EFCAB13: variants seen among roughly 807,000 people sequenced by gnomAD.
EFCAB13 encodes the protein EF-hand calcium binding domain 13, also known as EF-hand calcium-binding domain-containing protein 13.
A neutral mutation model predicts 110.2 loss-of-function variants in EFCAB13; 91 were observed. The observed-to-expected ratio is 0.83, with a 90% CI of 0.70 to 0.98. The LOEUF (loss-of-function observed/expected upper bound fraction) is 0.98, where lower values mean the gene tolerates loss of function less well. Ranked by LOEUF, EFCAB13 falls within the 50% of genes least tolerant of loss-of-function variation. EFCAB13 has a pLI of 0.00. For synonymous variants in EFCAB13, 323 were observed against 369.9 expected, an observed-to-expected ratio of 0.87 and a Z score of 1.45; for missense variants, 968 against 1,119.4, an observed-to-expected ratio of 0.86 and a Z score of 1.93.
chr17:47,419,324 A>T (rs1156459203), intron 23 of EFCAB13, among the ~76,000 whole-genome samples: 1 of 152,198 alleles, frequency 6.6e-6, no homozygotes, highest in East Asian at 1.9e-4. Context: ...GTGGTGGCTT[A>T]TGTCTATAAG....
intron 23 of EFCAB13, among the ~76,000 whole-genome samples, chr17:47,425,215 G>T (rs1418960798): frequency 6.6e-6 from 1 of 152,088 alleles, no homozygotes; most frequent in Non-Finnish European, 1.5e-5. Context: ...AATCTAACAA[G>T]CCAAGACCTA....
chr17:47,398,129 C>G (rs1205487831), intron 17 of EFCAB13, among the ~76,000 whole-genome samples: 1 of 123,828 alleles, frequency 8.1e-6, no homozygotes, highest in Non-Finnish European at 1.7e-5. Context: ...TCAGCCCCCC[C>G]CTGGCCAGCC....
At chr17:47,379,499 G>A (rs1037588463) in intron 14 of EFCAB13, among the ~76,000 whole-genome samples, 2 of 151,784 alleles carry the variant, frequency 1.3e-5, no homozygotes, top group African/African-American at 4.8e-5. Flanking sequence ...TGGTAATAAT[G>A]ATAATGCGGA....
In EFCAB13 at chr17:47,403,882, A is replaced by G. The variant is rs2065791266; in HGVS notation, c.2022A>G (p.Leu674=). The change falls in exon 19 of 25, where the codon TTA becomes TTG. Residue 674 remains leucine, a synonymous_variant. Transcript: ENST00000331493. The part of the protein sequence containing the change: ...NMRDAARLEE[L]QEVVLAADLL... ...TAACTTTTTTTCTATTTATAGAGTT[A>G]CAGGAAGTTGTCTTAGCTGCTGATT... is the stretch of plus-strand genomic sequence containing the variant. 6.3e-7 allele frequency: 1 copy of G among 1,599,448 alleles called. No individual in the cohort carries two copies. Among genetic ancestry groups the G allele is most frequent in the South Asian group, 1.1e-5 (1 of 87,554 alleles).
chr17:47,412,392 T>C lies in EFCAB13; in HGVS notation c.2279-381T>C, dbSNP rs78058736. ...ACACAAAAGCACAGTATGAACTATCTGAGGCCCTGGGGATCAAGAGCTTCA... is the reference window on the plus strand; with the variant it reads ...ACACAAAAGCACAGTATGAACTATCCGAGGCCCTGGGGATCAAGAGCTTCA... On this transcript the variant is annotated intron_variant, in intron 21 of 24. Transcript: ENST00000331493. Among the ~76,000 whole-genome samples the C allele has an allele frequency of 8.5e-3, 1,302 of 152,352 alleles. 13 individuals are homozygous for C. The highest frequency in any genetic ancestry group is 0.027 in the African/African-American group (1,109 of 41,572).
intron 4 of EFCAB13, among the ~76,000 whole-genome samples, chr17:47,333,260 C>T (rs1264705555): frequency 6.6e-6 from 1 of 152,128 alleles, no homozygotes; most frequent in East Asian, 1.9e-4. Context: ...CTGTTCAGAT[C>T]CTTCACACAT....
chr17:47,434,325 T>A (rs72829650), intron 24 of EFCAB13, among the ~76,000 whole-genome samples: 28,207 of 149,660 alleles, frequency 0.19, 3,289 homozygotes, highest in Non-Finnish European at 0.25. Flanking sequence ...AAAAAAAAAA[T>A]AAATAAATAC....
intron 5 of EFCAB13, among the ~76,000 whole-genome samples, chr17:47,340,803 A>G (rs1312860032): frequency 8.8e-6 from 1 of 113,032 alleles, no homozygotes; most frequent in Non-Finnish European, 1.7e-5. Context: ...TTTAGTAGAG[A>G]CGGGGTTTCA....
intron 12 of EFCAB13, among the ~76,000 whole-genome samples, chr17:47,376,833 C>T (rs891849573): frequency 6.6e-6 from 1 of 152,204 alleles, no homozygotes; most frequent in Non-Finnish European, 1.5e-5. Context: ...CTCAATTTTT[C>T]ATGACCTTGA....
chr17:47,344,413 A>G, intron 7 of EFCAB13, 121 bp downstream of exon 7: 1 of 1,239,612 alleles, frequency 8.1e-7, no homozygotes, highest in Non-Finnish European at 1.1e-6. Context: ...TTATGCTGTT[A>G]GGATTGTGTA....
At chr17:47,351,680 A>C (rs190550113) in intron 9 of EFCAB13, among the ~76,000 whole-genome samples, 4 of 152,146 alleles carry the variant, frequency 2.6e-5, no homozygotes, top group Admixed American at 2.6e-4. Flanking sequence ...TACATTCTGG[A>C]TATCAGTCCT....
At chr17:47,335,847 A>G (rs1487682622) in intron 5 of EFCAB13, among the ~76,000 whole-genome samples, 3 of 152,178 alleles carry the variant, frequency 2.0e-5, no homozygotes, top group Admixed American at 6.5e-5. Context: ...CAAGTGGGAA[A>G]TCTGCCCCCA....
At chr17:47,330,356 T>C (rs571104172) in intron 4 of EFCAB13, among the ~76,000 whole-genome samples, 1 of 152,204 alleles carries the variant, frequency 6.6e-6, no homozygotes, top group South Asian at 2.1e-4. Flanking sequence ...TGGTTTTTGG[T>C]TACATGGCTG....
intron 6 of EFCAB13, among the ~76,000 whole-genome samples, chr17:47,342,284 T>C (rs1309370956): frequency 6.6e-6 from 1 of 152,174 alleles, no homozygotes; most frequent in African/African-American, 2.4e-5. Context: ...TTGTCTTTTT[T>C]ACTGTGCTCT....
intron 9 of EFCAB13, among the ~76,000 whole-genome samples, chr17:47,352,437 T>G (rs2065458781): frequency 6.6e-6 from 1 of 152,156 alleles, no homozygotes; most frequent in Non-Finnish European, 1.5e-5. Flanking sequence ...CTGTTTTCTG[T>G]TCCACTGATT....
intron 6 of EFCAB13, 38 bp from the exon 7 acceptor site, chr17:47,344,120 GTCAC>G: frequency 6.3e-7 from 1 of 1,588,534 alleles, no homozygotes; most frequent in Non-Finnish European, 8.6e-7. Flanking sequence ...AATTACCAGT[GTCAC>G]TCACCTCAGG....
Position 47,402,133 on chromosome 17 carries a change from A to G in EFCAB13, c.1947A>G (p.Glu649=), listed in dbSNP as rs1161620350. The change falls in exon 18 of 25, where the codon GAA becomes GAG. Residue 649 remains glutamate (E), a splice_region_variant and synonymous_variant. Coordinates refer to ENST00000331493, the MANE Select transcript of EFCAB13 (RefSeq NM_152347.5). The stretch of plus-strand genomic sequence containing the variant: ...TATTAAAAGTGTTTTTTCTCACAGA[A>G]GGTGACAAAGTACAATTTGAAGAAT... ...LAALELVTVD[E]GDKVQFEEFA... 9 of 1,613,782 alleles carry G rather than the reference A, an allele frequency of 5.6e-6. No individual in the cohort carries two copies. The highest frequency in any genetic ancestry group is 7.6e-6 in the Non-Finnish European group (9 of 1,179,758).
intron 9 of EFCAB13, among the ~76,000 whole-genome samples, chr17:47,351,899 G>GTTTTT (rs762050927): frequency 1.6e-5 from 2 of 121,508 alleles, no homozygotes; most frequent in African/African-American, 6.1e-5. Flanking sequence ...TTTTCATGTA[G>GTTTTT]TTTTTTTTTT....
chr17:47,384,335 A>C (rs192852887), intron 14 of EFCAB13, among the ~76,000 whole-genome samples: 1 of 151,816 alleles, frequency 6.6e-6, no homozygotes, highest in South Asian at 2.1e-4. Context: ...GTTCTATGTT[A>C]ATTTCATCCT....
Sources: allele counts gnomAD v4.1 joint callset (sites outside exome capture counted in the v4.1 genomes callset), GRCh38; gene constraint gnomAD v4.1.1; transcripts MANE v1.5; gene names NCBI Gene and HGNC (gene_info 2026-07-23, HGNC 2026-07-21).